MACROD2: variants seen among roughly 807,000 people sequenced by gnomAD.
The protein encoded by MACROD2 is ADP-ribose glycohydrolase MACROD2.
A neutral mutation model predicts 70.4 loss-of-function variants in MACROD2; 36 were observed. The observed-to-expected ratio is 0.51, with a 90% CI of 0.39 to 0.68. The LOEUF is 0.68. Ranked by LOEUF, MACROD2 falls within the 30% of genes least tolerant of loss-of-function variation. The pLI is 0.00. For synonymous variants in MACROD2, 172 were observed against 178.8 expected (o/e 0.96, Z 0.30); for missense variants, 496 against 538.4 (o/e 0.92, Z 0.78).
intron 3 of MACROD2, among the ~76,000 whole-genome samples, chr20:14,392,294 G>A (rs13039855): frequency 0.16 from 24,446 of 150,856 alleles, 2,600 homozygotes; most frequent in Non-Finnish European, 0.23. Context: ...TCCTCTCTCC[G>A]TTCTTTCCTC....
intron 5 of MACROD2, among the ~76,000 whole-genome samples, chr20:14,816,564 T>C (rs538814566): frequency 1.8e-4 from 27 of 152,190 alleles, no homozygotes; most frequent in East Asian, 7.7e-4. Context: ...ATTTCTAACA[T>C]AGAGCAGAAC....
At chr20:15,759,137 C>T (rs2051395530) in intron 8 of MACROD2, among the ~76,000 whole-genome samples, 1 of 112,434 alleles carries the variant, frequency 8.9e-6, no homozygotes, top group African/African-American at 3.6e-5. Flanking sequence ...CAGAGCAAGA[C>T]TCCATCTCAA....
At chr20:14,826,290 T>A (rs912792193) in intron 5 of MACROD2, among the ~76,000 whole-genome samples, 6 of 152,006 alleles carry the variant, frequency 3.9e-5, no homozygotes, top group Non-Finnish European at 7.4e-5. Flanking sequence ...AGAAAACAGA[T>A]TTTTACATTC....
At chr20:14,831,732 A>T (rs956108363) in intron 5 of MACROD2, among the ~76,000 whole-genome samples, 2 of 126,284 alleles carry the variant, frequency 1.6e-5, no homozygotes, top group African/African-American at 2.9e-5. Flanking sequence ...GTGAGCTGAG[A>T]TCGCGCCACT....
chr20:15,870,009 A>G, intron 9 of MACROD2, among the ~76,000 whole-genome samples: 1 of 152,000 alleles, frequency 6.6e-6, no homozygotes, highest in East Asian at 1.9e-4. Flanking sequence ...TATTTTGATA[A>G]TAATTTTTAA....
rs575265553 is a variant in MACROD2, at chr20:14,918,163, A to G, written c.418+233204A>G. On this transcript the variant is annotated intron_variant, in intron 5 of 17. Coordinates refer to ENST00000684519, the MANE Select transcript of MACROD2 (RefSeq NM_001351661.2). ...TAATTTTTGTATTATTTTTGTAGGG[A>G]TGGGTTTTTGCTATGTTGCCCAGGC... Among the ~76,000 whole-genome samples, 6 of 152,138 alleles carry G rather than the reference A, an allele frequency of 3.9e-5. No individual in the cohort carries two copies. In the South Asian group the frequency reaches 1.2e-3, roughly 32 times the overall value.
intron 6 of MACROD2, among the ~76,000 whole-genome samples, chr20:15,400,234 G>A (rs2045911697): frequency 6.6e-6 from 1 of 152,098 alleles, no homozygotes. Flanking sequence ...TTCTCAGGCT[G>A]AGTTAGTGTG....
At chr20:15,091,382 A>G (rs1230690872) in intron 5 of MACROD2, among the ~76,000 whole-genome samples, 1 of 152,154 alleles carries the variant, frequency 6.6e-6, no homozygotes, top group Non-Finnish European at 1.5e-5. Flanking sequence ...AAAAGTTTTT[A>G]TGTGATCCAA....
chr20:15,106,573 C>T (rs189722509), intron 5 of MACROD2, among the ~76,000 whole-genome samples: 1 of 152,162 alleles, frequency 6.6e-6, no homozygotes, highest in Non-Finnish European at 1.5e-5. Flanking sequence ...TGGAACACAG[C>T]AAACTACCTC....
intron 5 of MACROD2, among the ~76,000 whole-genome samples, chr20:14,780,693 C>T (rs1387566685): frequency 6.6e-6 from 1 of 151,858 alleles, no homozygotes; most frequent in Admixed American, 6.6e-5. Context: ...TACCATGATT[C>T]ATAATTTAAT....
At chr20:14,686,787 T>C (rs913948252) in intron 5 of MACROD2, among the ~76,000 whole-genome samples, 3 of 152,196 alleles carry the variant, frequency 2.0e-5, no homozygotes, top group African/African-American at 7.2e-5. Flanking sequence ...TGAAGCATGA[T>C]TGTATATCAA....
chr20:14,542,783 T>C (rs1450043256), intron 4 of MACROD2, among the ~76,000 whole-genome samples: 1 of 152,224 alleles, frequency 6.6e-6, no homozygotes, highest in Non-Finnish European at 1.5e-5. Context: ...GATTTTACTC[T>C]ACAGTTCTTT....
intron 6 of MACROD2, among the ~76,000 whole-genome samples, chr20:15,289,407 C>T (rs531297770): frequency 1.3e-5 from 2 of 152,226 alleles, no homozygotes; most frequent in East Asian, 1.9e-4. Context: ...TATTCAAAGT[C>T]AATGATATAT....
At chr20:14,861,547 A>G (rs1052078351) in intron 5 of MACROD2, among the ~76,000 whole-genome samples, 5 of 152,058 alleles carry the variant, frequency 3.3e-5, no homozygotes, top group Middle Eastern at 3.4e-3. Context: ...AAGCCAGACT[A>G]TGAGGGAGCT....
chr20:15,843,889 G>C (rs2064201097), intron 8 of MACROD2, among the ~76,000 whole-genome samples: 1 of 152,066 alleles, frequency 6.6e-6, no homozygotes, highest in Non-Finnish European at 1.5e-5. Flanking sequence ...TTGTAAGTTG[G>C]ACATCAGTAA....
intron 8 of MACROD2, among the ~76,000 whole-genome samples, chr20:15,782,250 T>G (rs982058304): frequency 1.3e-5 from 2 of 152,096 alleles, no homozygotes; most frequent in African/African-American, 4.8e-5. Flanking sequence ...ACATAAGAAA[T>G]ATCATTGTTT....
chr20:15,760,678 T>G (rs1341030101), intron 8 of MACROD2, among the ~76,000 whole-genome samples: 3 of 152,168 alleles, frequency 2.0e-5, no homozygotes, highest in Non-Finnish European at 4.4e-5. Context: ...ATGCTTTTAC[T>G]TCAAGCATGC....
At chr20:14,725,277 G>C (rs940101265) in intron 5 of MACROD2, among the ~76,000 whole-genome samples, 2 of 152,112 alleles carry the variant, frequency 1.3e-5, no homozygotes, top group African/African-American at 2.4e-5. Context: ...TCTGGAGTTA[G>C]GGGGCCAGTC....
At chr20:14,261,248 C>A (rs1389962108) in intron 3 of MACROD2, among the ~76,000 whole-genome samples, 1 of 123,370 alleles carries the variant, frequency 8.1e-6, no homozygotes, top group African/African-American at 2.7e-5. Context: ...CACTTTGGAA[C>A]ATCAGTAAGT....
Sources: gnomAD v4.1 joint callset for allele counts (sites outside exome capture counted in the v4.1 genomes callset) on GRCh38, gnomAD v4.1.1 for gene constraint, MANE v1.5 for transcripts, NCBI Gene and HGNC (gene_info 2026-07-23, HGNC 2026-07-21) for gene names.